The following UGT8 variants were observed in gnomAD, a reference collection of about 807,000 sequenced individuals.
UGT8 encodes the protein UDP glycosyltransferase 8, also known as 2-hydroxyacylsphingosine 1-beta-galactosyltransferase.
A neutral mutation model predicts 40.5 loss-of-function variants in UGT8; 12 were observed. The ratio of observed to expected loss-of-function variants is 0.30; its 90% CI spans 0.19 to 0.48. The LOEUF (loss-of-function observed/expected upper bound fraction) is 0.48, where lower values mean the gene tolerates loss of function less well. Among genes scored for constraint, UGT8 ranks in the 20% least tolerant of loss-of-function variants. UGT8 has a pLI of 0.99. For missense variants in UGT8, 513 were observed against 648.7 expected, an observed-to-expected ratio of 0.79 and a Z score of 2.27; for synonymous variants, 224 against 240.4, an observed-to-expected ratio of 0.93 and a Z score of 0.63.
intron 1 of UGT8, among the ~76,000 whole-genome samples, chr4:114,612,786 A>C (rs1731169742): frequency 6.6e-6 from 1 of 152,110 alleles, no homozygotes; most frequent in African/African-American, 2.4e-5. Context: ...ATGGGGCCCT[A>C]CCCTACGTCT....
At chr4:114,624,903 G>A (rs1732095340) in intron 2 of UGT8, among the ~76,000 whole-genome samples, 1 of 152,140 alleles carries the variant, frequency 6.6e-6, no homozygotes, top group African/African-American at 2.4e-5. Flanking sequence ...CAACTGTAAA[G>A]GATAGGGATT....
In UGT8 at chr4:114,668,266, G is replaced by C; in HGVS notation, c.1224G>C (p.Glu408Asp). Residue 408 changes from glutamate to aspartate, a missense_variant, in exon 5 of 6, where the codon GAG becomes GAC. Physicochemically the swap from Glu to Asp is conservative, Grantham distance 45. Around this residue, in one of 3 missense-constraint regions of UGT8, gnomAD observed 175 missense variants for 186.7 expected, o/e 0.94. Coordinates refer to ENST00000310836, the MANE Select transcript of UGT8 (RefSeq NM_001128174.3). ...LLEWKTVTEK[E>D]LYEALVKVIN... ...AATGGAAGACAGTTACTGAAAAAGA[G>C]CTCTATGAAGCACTAGTGAAGGTTA... 1.2e-6 allele frequency: 2 copies of C among 1,613,698 alleles called. No individual in the cohort carries two copies. Among genetic ancestry groups the C allele is most frequent in the South Asian group, 2.2e-5 (2 of 91,074 alleles).
intron 2 of UGT8, among the ~76,000 whole-genome samples, chr4:114,629,617 A>C (rs907762507): frequency 1.3e-5 from 2 of 152,220 alleles, no homozygotes; most frequent in Non-Finnish European, 2.9e-5. Flanking sequence ...TGTTAAAGAA[A>C]TCTATCCAGG....
chr4:114,648,505 A>G (rs142769367), intron 2 of UGT8, among the ~76,000 whole-genome samples: 3 of 151,974 alleles, frequency 2.0e-5, no homozygotes, highest in African/African-American at 7.2e-5. Context: ...ATGAGACTTC[A>G]GGTATATATA....
At chr4:114,660,584 TA>T (rs1734454535) in intron 2 of UGT8, among the ~76,000 whole-genome samples, 1 of 152,176 alleles carries the variant, frequency 6.6e-6, no homozygotes, top group South Asian at 2.1e-4. Flanking sequence ...AATGTCTTTT[TA>T]AAATTATAAT....
At chr4:114,646,211 TTTG>T (rs1733560987) in intron 2 of UGT8, among the ~76,000 whole-genome samples, 1 of 152,108 alleles carries the variant, frequency 6.6e-6, no homozygotes, top group African/African-American at 2.4e-5. Context: ...AAAATTCTAG[TTTG>T]TTTTCATTGC....
intron 5 of UGT8, among the ~76,000 whole-genome samples, chr4:114,670,905 T>A (rs1374647467): frequency 6.6e-6 from 1 of 152,152 alleles, no homozygotes; most frequent in Non-Finnish European, 1.5e-5. Context: ...TGGTTTTATA[T>A]TTAGAAAACC....
At chr4:114,660,547 T>A (rs1000143718) in intron 2 of UGT8, among the ~76,000 whole-genome samples, 3 of 152,306 alleles carry the variant, frequency 2.0e-5, no homozygotes, top group East Asian at 1.9e-4. Flanking sequence ...TTTCTGCCAG[T>A]CTATTAATTA....
At chr4:114,674,492 G>T (rs994677840) in intron 5 of UGT8, among the ~76,000 whole-genome samples, 1 of 152,032 alleles carries the variant, frequency 6.6e-6, no homozygotes. Context: ...TCTTTTTAAT[G>T]GACTTTCCAT....
chr4:114,633,668 AG>A (rs1239861342), intron 2 of UGT8, among the ~76,000 whole-genome samples: 2 of 152,224 alleles, frequency 1.3e-5, no homozygotes, highest in Non-Finnish European at 2.9e-5. Context: ...ACTCTGGGCC[AG>A]GTATGGTGGC....
intron 2 of UGT8, among the ~76,000 whole-genome samples, chr4:114,659,679 T>C (rs1734400214): frequency 6.6e-6 from 1 of 152,222 alleles, no homozygotes; most frequent in African/African-American, 2.4e-5. Flanking sequence ...AGGCTTATTC[T>C]GTACCTTATC....
chr4:114,666,095 A>G (rs1405485878), intron 4 of UGT8, among the ~76,000 whole-genome samples: 1 of 152,168 alleles, frequency 6.6e-6, no homozygotes, highest in Non-Finnish European at 1.5e-5. Context: ...GAGTAATCAG[A>G]TGAAAGTAGA....
intron 2 of UGT8, among the ~76,000 whole-genome samples, chr4:114,625,055 T>C (rs1732110881): frequency 6.6e-6 from 1 of 151,602 alleles, no homozygotes; most frequent in Non-Finnish European, 1.5e-5. Flanking sequence ...AATCAAGGTG[T>C]GTCTTTACCT....
At chr4:114,611,457 C>CAG (rs376882230) in intron 1 of UGT8, among the ~76,000 whole-genome samples, 13,081 of 115,990 alleles carry the variant, frequency 0.11, 1,020 homozygotes, top group East Asian at 0.18. Flanking sequence ...CACACACACA[C>CAG]AGAGATATTA....
rs1375893357 is a variant in UGT8, at chr4:114,677,318, A to G, written c.*1030A>G. The G allele has an allele frequency of 6.6e-6, 1 of 152,230 alleles. No homozygotes were observed. The highest frequency in any genetic ancestry group is 2.4e-5 in the African/African-American group (1 of 41,468). 9.4% of individuals were successfully genotyped at this position (152,230 alleles called of 1,614,324 possible). On this transcript the variant is annotated 3_prime_UTR_variant, in exon 6 of 6. Coordinates refer to ENST00000310836, the MANE Select transcript of UGT8 (RefSeq NM_001128174.3). ...TCTGATCCCTTTTATTGTCTGGGCC[A>G]TACAATCTATATTACATAGGTGCCA...
At chr4:114,639,466 A>C (rs1472545484) in intron 2 of UGT8, among the ~76,000 whole-genome samples, 3 of 152,210 alleles carry the variant, frequency 2.0e-5, no homozygotes, top group African/African-American at 7.2e-5. Context: ...CATGAAAGGT[A>C]GCCTTACTGG....
intron 2 of UGT8, among the ~76,000 whole-genome samples, chr4:114,650,670 G>GGTTTTTAATCTATTTT (rs1294978719): frequency 6.6e-6 from 1 of 151,926 alleles, no homozygotes; most frequent in Admixed American, 6.6e-5. Flanking sequence ...TTTGGTCATT[G>GGTTTTTAATCTATTTT]GTTTTTAATC....
In UGT8 at chr4:114,676,265, A is replaced by G. The variant is rs1010056652; in HGVS notation, c.1603A>G (p.Lys535Glu). ...CAAGTACAAAAGAAATGGCCATATT[A>G]AACATGAAAAGAAAGTGAAATGAGC... ...NGKYKRNGHIKHEKKVK is the reference protein window; with the variant it reads ...NGKYKRNGHIEHEKKVK Residue 535 changes from lysine to glutamate, a missense_variant, in exon 6 of 6, where the codon AAA (lysine) becomes GAA (glutamate). Coordinates refer to ENST00000310836, the MANE Select transcript of UGT8 (RefSeq NM_001128174.3). 1 of 1,592,332 alleles carries G rather than the reference A, an allele frequency of 6.3e-7. No individual in the cohort carries two copies. The highest frequency in any genetic ancestry group is 1.4e-5 in the African/African-American group (1 of 73,866).
In UGT8 at chr4:114,627,255, C is replaced by CT. The variant is rs199675716; in HGVS notation, c.822+3572dup. 9.1e-3 allele frequency among the ~76,000 whole-genome samples: 1,149 copies of CT among 126,768 alleles called. 8 individuals are homozygous for CT. The highest frequency in any genetic ancestry group is 0.012 in the Non-Finnish European group (689 of 59,460). 83.2% of individuals were successfully genotyped at this position (126,768 alleles called of 152,430 possible). On this transcript the variant is annotated intron_variant, in intron 2 of 5. Coordinates refer to ENST00000310836, the MANE Select transcript of UGT8 (RefSeq NM_001128174.3). ...AGACAGGTCCCTATTTGAATAGATT[C>CT]TTTTTTTTTTTTTTTTTTTGAGATG...
Sources: gnomAD v4.1 joint callset for allele counts (sites outside exome capture counted in the v4.1 genomes callset) on GRCh38, gnomAD v4.1.1 for gene constraint, gnomAD v4.1.1 regional missense constraint, MANE v1.5 for transcripts, NCBI Gene and HGNC (gene_info 2026-07-23, HGNC 2026-07-21) for gene names.